Variants in SUPT3H observed in about 807,000 individuals in gnomAD.
SUPT3H encodes SPT3 homolog, SAGA and STAGA complex component.
Under a neutral mutation model 44.3 loss-of-function variants are expected in SUPT3H, and 44 were observed. The ratio of observed to expected loss-of-function variants is 0.99; its 90% CI spans 0.78 to 1.28. The LOEUF is 1.28. Ranked by LOEUF, SUPT3H falls within the 50% of genes most tolerant of loss-of-function variation. SUPT3H has a pLI of 0.00. For synonymous variants in SUPT3H, 124 were observed against 125.6 expected, an observed-to-expected ratio of 0.99 and a Z score of 0.09; for missense variants, 380 against 387.1, an observed-to-expected ratio of 0.98 and a Z score of 0.15.
chr6:45,235,003 C>T (rs1562757755), intron 2 of SUPT3H, among the ~76,000 whole-genome samples: 1 of 152,044 alleles, frequency 6.6e-6, no homozygotes, highest in Non-Finnish European at 1.5e-5. Context: ...AAATACCTCT[C>T]ATGAGAATTT....
At chr6:45,370,655 C>T (rs978050592) in intron 1 of SUPT3H, among the ~76,000 whole-genome samples, 1 of 151,984 alleles carries the variant, frequency 6.6e-6, no homozygotes, top group African/African-American at 2.4e-5. Context: ...ATAATGGGCA[C>T]TAAAAAAAAT....
intron 1 of SUPT3H, among the ~76,000 whole-genome samples, chr6:45,375,249 A>T (rs1796617857): frequency 6.6e-6 from 1 of 152,190 alleles, no homozygotes; most frequent in South Asian, 2.1e-4. Flanking sequence ...GTGGTTAATC[A>T]TCCTAAAACT....
At chr6:45,086,489 C>T (rs1210279029) in intron 3 of SUPT3H, among the ~76,000 whole-genome samples, 1 of 151,948 alleles carries the variant, frequency 6.6e-6, no homozygotes, top group Admixed American at 6.6e-5. Flanking sequence ...ATAATGCTTG[C>T]ATGACTAAAT....
intron 10 of SUPT3H, among the ~76,000 whole-genome samples, chr6:44,913,130 G>T (rs1767310538): frequency 6.6e-6 from 1 of 152,138 alleles, no homozygotes; most frequent in East Asian, 1.9e-4. Flanking sequence ...TGGGAGAGGG[G>T]ATTTCTTCTC....
intron 10 of SUPT3H, among the ~76,000 whole-genome samples, chr6:44,856,812 A>G (rs1178765747): frequency 6.6e-6 from 1 of 152,218 alleles, no homozygotes; most frequent in East Asian, 1.9e-4. Flanking sequence ...AAAAACAGCA[A>G]TTAAATGTAT....
intron 3 of SUPT3H, among the ~76,000 whole-genome samples, chr6:45,069,145 G>C (rs185285664): frequency 6.6e-6 from 1 of 152,134 alleles, no homozygotes; most frequent in Admixed American, 6.5e-5. Context: ...AGGATAAAGA[G>C]GGATTATCTG....
rs967589 is a variant in SUPT3H, at chr6:45,338,789, A to G, written c.101+26412T>C. Among the ~76,000 whole-genome samples, 299 of 152,194 alleles carry G rather than the reference A, an allele frequency of 2.0e-3. 3 individuals carry two copies. Among genetic ancestry groups the G allele is most frequent in the African/African-American group, 6.9e-3 (286 of 41,562 alleles). Reference sequence around the variant, plus strand: ...AATAAAAATAATTTATATGCAGCCTATTTCTCTGGATGAGACAAGGGAGGC... The same window carrying G: ...AATAAAAATAATTTATATGCAGCCTGTTTCTCTGGATGAGACAAGGGAGGC... On this transcript the variant is annotated intron_variant, in intron 2 of 10. Transcript: ENST00000371459.
intron 2 of SUPT3H, among the ~76,000 whole-genome samples, chr6:45,337,462 TAGA>T (rs1203760531): frequency 6.6e-6 from 1 of 151,838 alleles, no homozygotes; most frequent in African/African-American, 2.4e-5. Flanking sequence ...TACTCATTTC[TAGA>T]AGGCCAGAAA....
At chr6:45,279,999 C>G (rs1035344846) in intron 2 of SUPT3H, among the ~76,000 whole-genome samples, 1 of 152,168 alleles carries the variant, frequency 6.6e-6, no homozygotes, top group Admixed American at 6.5e-5. Flanking sequence ...ACTTTTGAGT[C>G]ATTTTAACTC....
chr6:45,332,347 T>TA (rs1787683450), intron 2 of SUPT3H, among the ~76,000 whole-genome samples: 1 of 95,314 alleles, frequency 1.0e-5, no homozygotes, highest in South Asian at 3.0e-4. Flanking sequence ...ACCTCAACTG[T>TA]ATATATATAT....
chr6:44,999,217 G>A (rs1781680068), intron 6 of SUPT3H, among the ~76,000 whole-genome samples: 1 of 152,032 alleles, frequency 6.6e-6, no homozygotes, highest in South Asian at 2.1e-4. Flanking sequence ...GAAGGTGGGT[G>A]TGAGAGACAG....
At chr6:45,033,009 T>C (rs1787174058) in intron 3 of SUPT3H, among the ~76,000 whole-genome samples, 1 of 152,188 alleles carries the variant, frequency 6.6e-6, no homozygotes, top group Non-Finnish European at 1.5e-5. Flanking sequence ...TGCTGGCTCC[T>C]ACTGTGTGCT....
At chr6:44,893,404 A>G (rs1301977267) in intron 10 of SUPT3H, among the ~76,000 whole-genome samples, 4 of 150,514 alleles carry the variant, frequency 2.7e-5, no homozygotes, top group Non-Finnish European at 5.9e-5. Flanking sequence ...CAGTCCCCAG[A>G]GTGTGATGTT....
At chr6:44,882,562 A>T (rs1261118126) in intron 10 of SUPT3H, among the ~76,000 whole-genome samples, 1 of 152,110 alleles carries the variant, frequency 6.6e-6, no homozygotes, top group Non-Finnish European at 1.5e-5. Context: ...TGATACCAAA[A>T]CCTGGAAGAG....
intron 10 of SUPT3H, among the ~76,000 whole-genome samples, chr6:44,851,360 G>A (rs1772853666): frequency 6.6e-6 from 1 of 152,330 alleles, no homozygotes; most frequent in South Asian, 2.1e-4. Flanking sequence ...CAGTCTTGGA[G>A]AGACACTGAT....
At chr6:45,330,411 C>A (rs1246117781) in intron 2 of SUPT3H, among the ~76,000 whole-genome samples, 1 of 151,892 alleles carries the variant, frequency 6.6e-6, no homozygotes. Context: ...TAACTTGAAA[C>A]AGGGATAACA....
chr6:44,994,014 G>A (rs992234373), intron 6 of SUPT3H, among the ~76,000 whole-genome samples: 2 of 152,058 alleles, frequency 1.3e-5, no homozygotes, highest in Non-Finnish European at 2.9e-5. Flanking sequence ...TATGTAGCAA[G>A]TAGAAAATAT....
At chr6:45,165,125 C>A (rs958421147) in intron 2 of SUPT3H, among the ~76,000 whole-genome samples, 1 of 152,168 alleles carries the variant, frequency 6.6e-6, no homozygotes. Flanking sequence ...CAGTTTACTG[C>A]TAGGGGAAGA....
chr6:45,204,638 G>A (rs1350091729), intron 2 of SUPT3H, among the ~76,000 whole-genome samples: 2 of 152,058 alleles, frequency 1.3e-5, no homozygotes, highest in Non-Finnish European at 2.9e-5. Flanking sequence ...ATTTCATTTG[G>A]GGGGAAAAGT....
Sources: allele counts gnomAD v4.1 joint callset (sites outside exome capture counted in the v4.1 genomes callset), GRCh38; gene constraint gnomAD v4.1.1; transcripts MANE v1.5; gene names NCBI Gene and HGNC (gene_info 2026-07-23, HGNC 2026-07-21).